Variants in CYP20A1 observed in about 807,000 individuals in gnomAD.
CYP20A1 encodes the protein cytochrome P450 family 20 subfamily A member 1, also known as cytochrome P450 20A1.
In CYP20A1, 61 loss-of-function variants were observed where a neutral mutation model predicts 61.4. That is an observed-to-expected ratio of 0.99 (90% CI 0.81 to 1.23). CYP20A1 has a LOEUF of 1.23. Ranked by LOEUF, CYP20A1 falls within the 50% of genes most tolerant of loss-of-function variation. CYP20A1 has a pLI of 0.00. For synonymous variants in CYP20A1, 193 were observed against 188.2 expected (o/e 1.03, Z -0.21); for missense variants, 530 against 542.4 (o/e 0.98, Z 0.23).
intron 5 of CYP20A1, among the ~76,000 whole-genome samples, chr2:203,268,232 A>G (rs1378651128): frequency 2.6e-5 from 4 of 152,090 alleles, no homozygotes; most frequent in African/African-American, 9.7e-5. Flanking sequence ...ATATTCTCTT[A>G]TGTATTGACA....
chr2:203,272,827 G>C, intron 6 of CYP20A1, 79 bp downstream of exon 6: 1 of 764,678 alleles, frequency 1.3e-6, no homozygotes, highest in Non-Finnish European at 2.1e-6. Flanking sequence ...TCTGAATAGT[G>C]AGATTAAAGG....
At chr2:203,286,174 A>G (rs969285898) in intron 9 of CYP20A1, among the ~76,000 whole-genome samples, 2 of 152,190 alleles carry the variant, frequency 1.3e-5, no homozygotes, top group Admixed American at 6.5e-5. Flanking sequence ...CTGTAGTCCA[A>G]GCTACTCAGG....
At chr2:203,244,636 C>T (rs1009147310) in intron 1 of CYP20A1, among the ~76,000 whole-genome samples, 9 of 151,462 alleles carry the variant, frequency 5.9e-5, no homozygotes, top group Non-Finnish European at 1.2e-4. Context: ...GAAAAATGTA[C>T]TGGATATGTG....
intron 3 of CYP20A1, among the ~76,000 whole-genome samples, chr2:203,247,673 A>G (rs2066509582): frequency 6.6e-6 from 1 of 152,116 alleles, no homozygotes; most frequent in Admixed American, 6.6e-5. Context: ...CCTAGCCAAC[A>G]TGGTGAAACC....
chr2:203,254,641 T>C (rs1418488061), intron 4 of CYP20A1, among the ~76,000 whole-genome samples: 1 of 152,154 alleles, frequency 6.6e-6, no homozygotes, highest in Non-Finnish European at 1.5e-5. Context: ...AGTCTTTGTG[T>C]TTTTTATTTA....
intron 8 of CYP20A1, among the ~76,000 whole-genome samples, chr2:203,285,408 G>A (rs1159275597): frequency 6.6e-6 from 1 of 152,112 alleles, no homozygotes; most frequent in Non-Finnish European, 1.5e-5. Flanking sequence ...GTCTGTTGGA[G>A]GGCATTCTGT....
In CYP20A1 at chr2:203,272,692, G is replaced by A; in HGVS notation, c.623G>A (p.Gly208Asp). 5.0e-6 allele frequency: 8 copies of A among 1,606,980 alleles called. No individual in the cohort carries two copies. The highest frequency in any genetic ancestry group is 6.8e-6 in the Non-Finnish European group (8 of 1,177,676). ...CAGGTTTGGTCTGAGATTGGAAAAGGCTTTCTAGATGGGTCACTTGATAAA... is the reference window on the plus strand; with the variant it reads ...CAGGTTTGGTCTGAGATTGGAAAAGACTTTCTAGATGGGTCACTTGATAAA... ...HGTVWSEIGK[G>D]FLDGSLDKNM... is the part of the protein sequence containing the mutation. The change falls in exon 6 of 13, where the codon GGC (glycine) becomes GAC (aspartate). Residue 208 changes from glycine to aspartate, a missense_variant. Coordinates refer to ENST00000356079, the MANE Select transcript of CYP20A1 (RefSeq NM_177538.3).
At chr2:203,291,125 T>A (rs2068515524) in intron 10 of CYP20A1, among the ~76,000 whole-genome samples, 1 of 152,070 alleles carries the variant, frequency 6.6e-6, no homozygotes, top group Admixed American at 6.6e-5. Context: ...TAGGCTGGAG[T>A]GCAGTGGTGT....
intron 6 of CYP20A1, among the ~76,000 whole-genome samples, chr2:203,278,341 T>C (rs551199412): frequency 6.6e-6 from 1 of 152,208 alleles, no homozygotes; most frequent in Non-Finnish European, 1.5e-5. Flanking sequence ...GGTGGTGATT[T>C]ATAATTATTC....
At chr2:203,266,493 T>C in intron 4 of CYP20A1, 21 bp from the exon 5 acceptor site, 9 of 1,603,178 alleles carry the variant, frequency 5.6e-6, no homozygotes, top group Non-Finnish European at 6.8e-6. Context: ...GTAATCATTG[T>C]GCTTTTCTGT....
chr2:203,283,966 A>T (rs946673971), intron 8 of CYP20A1, among the ~76,000 whole-genome samples: 1 of 152,232 alleles, frequency 6.6e-6, no homozygotes, highest in Non-Finnish European at 1.5e-5. Flanking sequence ...ATTGTGTGAC[A>T]TACATATTGT....
chr2:203,240,552 G>A (rs1335624454), intron 1 of CYP20A1, among the ~76,000 whole-genome samples: 1 of 152,220 alleles, frequency 6.6e-6, no homozygotes, highest in African/African-American at 2.4e-5. Flanking sequence ...GGGATAGGTA[G>A]ATTGTTATTT....
intron 1 of CYP20A1, among the ~76,000 whole-genome samples, chr2:203,241,186 A>T (rs1432119783): frequency 6.6e-6 from 1 of 152,188 alleles, no homozygotes; most frequent in Non-Finnish European, 1.5e-5. Context: ...AGGGAAGATC[A>T]GGGGTTTTGC....
At chr2:203,283,211 A>ATTTTTTT (rs371972851) in intron 8 of CYP20A1, among the ~76,000 whole-genome samples, 1 of 83,490 alleles carries the variant, frequency 1.2e-5, no homozygotes, top group Non-Finnish European at 2.1e-5. Flanking sequence ...CAATGTGAGA[A>ATTTTTTT]TTTTTTTTTT....
At chr2:203,276,450 A>G (rs750512078) in intron 6 of CYP20A1, among the ~76,000 whole-genome samples, 7 of 152,196 alleles carry the variant, frequency 4.6e-5, no homozygotes, top group Non-Finnish European at 1.0e-4. Context: ...AGGCTGCTGC[A>G]ATAAACCAGG....
rs1242258694 is a variant in CYP20A1 at position 203,300,892 on chromosome 2, A to G, written c.*3984A>G. Among the ~76,000 whole-genome samples, 31 of 105,390 alleles carry G rather than the reference A, an allele frequency of 2.9e-4. No individual in the cohort carries two copies. Among genetic ancestry groups the G allele is most frequent in the Middle Eastern group, 4.9e-3 (1 of 204 alleles). 69.1% of individuals were successfully genotyped at this position (105,390 alleles called of 152,430 possible). On this transcript the variant is annotated 3_prime_UTR_variant, in exon 13 of 13. Transcript: ENST00000356079. ...CAATAAGAGCAAAACTCCGTCTCAG[A>G]AAAAAAAAAAAAAAAAAAAAACGGC...
At chr2:203,283,130 C>T (rs1426469668) in intron 8 of CYP20A1, among the ~76,000 whole-genome samples, 1 of 150,426 alleles carries the variant, frequency 6.6e-6, no homozygotes, top group Non-Finnish European at 1.5e-5. Flanking sequence ...GAGCTGTGAT[C>T]ACTACCACTG....
intron 6 of CYP20A1, among the ~76,000 whole-genome samples, chr2:203,276,888 A>G (rs953922309): frequency 2.0e-5 from 3 of 152,304 alleles, no homozygotes; most frequent in Non-Finnish European, 4.4e-5. Flanking sequence ...TAGTGAATAT[A>G]GATAGAAAAA....
chr2:203,288,085 A>G (rs1417539156), intron 9 of CYP20A1, among the ~76,000 whole-genome samples: 1 of 53,402 alleles, frequency 1.9e-5, no homozygotes, highest in Non-Finnish European at 3.6e-5. Context: ...TTTTTTTTTC[A>G]GATGCAGTCC....
Sources: gnomAD v4.1 joint callset for allele counts (sites outside exome capture counted in the v4.1 genomes callset) on GRCh38, gnomAD v4.1.1 for gene constraint, MANE v1.5 for transcripts, NCBI Gene and HGNC (gene_info 2026-07-23, HGNC 2026-07-21) for gene names.